The following FAM228B variants were observed in gnomAD, a reference collection of about 807,000 sequenced individuals.
The protein encoded by FAM228B is protein FAM228B.
Under a neutral mutation model 42.6 loss-of-function variants are expected in FAM228B, and 38 were observed. That is an observed-to-expected ratio of 0.89 (90% CI 0.69 to 1.17). FAM228B has a LOEUF of 1.17. Ranked by LOEUF, FAM228B falls within the 50% of genes most tolerant of loss-of-function variation. The pLI is 0.00. For synonymous variants in FAM228B, 109 were observed against 122.3 expected, an observed-to-expected ratio of 0.89 and a Z score of 0.72; for missense variants, 344 against 367.3, an observed-to-expected ratio of 0.94 and a Z score of 0.52.
intron 3 of FAM228B, among the ~76,000 whole-genome samples, chr2:24,101,302 T>C (rs10188977): frequency 2.6e-5 from 4 of 152,144 alleles, no homozygotes; most frequent in Non-Finnish European, 5.9e-5. Flanking sequence ...CTTCTACTAC[T>C]CATATTTTCA....
intron 3 of FAM228B, among the ~76,000 whole-genome samples, chr2:24,115,922 A>T (rs1280638699): frequency 6.6e-6 from 1 of 151,924 alleles, no homozygotes; most frequent in Non-Finnish European, 1.5e-5. Context: ...AAAAAAAAAA[A>T]AAAGGATGAA....
chr2:24,112,296 C>CTT (rs397984067), intron 3 of FAM228B, among the ~76,000 whole-genome samples: 98 of 95,734 alleles, frequency 1.0e-3, no homozygotes, highest in South Asian at 4.2e-3. Context: ...AAGCTTTCAT[C>CTT]TTTTTTTTTT....
At chr2:24,106,763 T>C (rs1441992477) in intron 3 of FAM228B, among the ~76,000 whole-genome samples, 2 of 152,112 alleles carry the variant, frequency 1.3e-5, no homozygotes, top group East Asian at 3.9e-4. Flanking sequence ...ATCTGCCTTA[T>C]GAGCAGTCCT....
intron 3 of FAM228B, chr2:24,115,673 A>G: frequency 1.9e-6 from 3 of 1,545,908 alleles, no homozygotes; most frequent in Non-Finnish European, 2.7e-6. Flanking sequence ...CAAATGATTC[A>G]TTCATCCATT....
At chr2:24,079,231 T>C (rs1664889869) in intron 1 of FAM228B, 2 of 560,648 alleles carry the variant, frequency 3.6e-6, no homozygotes, top group African/African-American at 1.9e-5. Context: ...CTGTGAAGTA[T>C]CAGCTACACT....
intron 2 of FAM228B, among the ~76,000 whole-genome samples, chr2:24,081,220 T>C (rs1460119962): frequency 1.3e-5 from 2 of 152,214 alleles, no homozygotes; most frequent in Admixed American, 6.5e-5. Flanking sequence ...ACAAACCATC[T>C]TGTTCTTTGG....
chr2:24,120,702 C>T (rs1206311096), upstream of FAM228B, among the ~76,000 whole-genome samples: 2 of 146,390 alleles, frequency 1.4e-5, no homozygotes, highest in East Asian at 1.9e-4. Flanking sequence ...ATTACAAGGG[C>T]GCACCACACC....
chr2:24,160,573 G>A (rs1667262423), intron 7 of FAM228B, among the ~76,000 whole-genome samples: 1 of 151,754 alleles, frequency 6.6e-6, no homozygotes, highest in Admixed American at 6.6e-5. Context: ...TTGATATTAA[G>A]ATTTTAATTT....
chr2:24,159,037 G>A (rs1667227796), intron 7 of FAM228B, among the ~76,000 whole-genome samples: 1 of 152,170 alleles, frequency 6.6e-6, no homozygotes, highest in South Asian at 2.1e-4. Context: ...TATCTCTGCA[G>A]TCTCTGTCTC....
chr2:24,083,237 C>CT (rs71395187), intron 2 of FAM228B: 199,813 of 1,237,552 alleles, frequency 0.16, 5,512 homozygotes, highest in South Asian at 0.2. Flanking sequence ...AAGATCCCCT[C>CT]TTTTTTTTTT....
intron 9 of FAM228B, among the ~76,000 whole-genome samples, chr2:24,166,881 A>G (rs1388092911): frequency 1.3e-5 from 2 of 151,626 alleles, no homozygotes; most frequent in Non-Finnish European, 2.9e-5. Flanking sequence ...CAAAAGCCTG[A>G]GATGGGAGTG....
rs375341141 is a variant in FAM228B at position 24,082,978 on chromosome 2, G to C, written c.-210+2023G>C. 9.3e-6 allele frequency: 15 copies of C among 1,614,080 alleles called. No homozygotes were observed. The highest frequency in any genetic ancestry group is 1.3e-5 in the Non-Finnish European group (15 of 1,180,034). ...AATCCCTCTGGGATAGGCATGAGGA[G>C]CCCTTCGGGGACAGTGACGTACTGA... is the stretch of plus-strand genomic sequence containing the variant. On this transcript the variant is annotated intron_variant, in intron 2 of 10. Transcript: ENST00000613899.
At chr2:24,088,431 ATC>A (rs1370998627) in intron 2 of FAM228B, among the ~76,000 whole-genome samples, 3 of 151,904 alleles carry the variant, frequency 2.0e-5, no homozygotes, top group Non-Finnish European at 2.9e-5. Context: ...GCTCACTGCA[ATC>A]TCTGTCTCCT....
At chr2:24,146,436 G>A (rs1573774650) in intron 5 of FAM228B, among the ~76,000 whole-genome samples, 1 of 152,154 alleles carries the variant, frequency 6.6e-6, no homozygotes, top group East Asian at 1.9e-4. Context: ...TTTCTTTTGT[G>A]CATGGGAAAG....
chr2:24,124,171 C>T (rs1300245046), intron 1 of FAM228B, 159 bp from the exon 2 acceptor site: 6 of 475,502 alleles, frequency 1.3e-5, no homozygotes. Flanking sequence ...GGCTCTGAAG[C>T]CGTCATCTGG....
At chr2:24,137,836 T>G (rs1666626976) in intron 3 of FAM228B, 73 bp from the exon 4 acceptor site, 1 of 1,090,522 alleles carries the variant, frequency 9.2e-7, no homozygotes, top group Non-Finnish European at 1.3e-6. Context: ...CTTATGAAGT[T>G]TAAGTTTTGG....
chr2:24,151,612 G>T (rs1239580506), intron 7 of FAM228B, among the ~76,000 whole-genome samples: 11 of 37,040 alleles, frequency 3.0e-4, no homozygotes, highest in Non-Finnish European at 5.4e-4. Context: ...ATTTTTTGGT[G>T]ATTTTTTTTT....
rs772368048 is a variant in FAM228B at position 24,077,788 on chromosome 2, G to A, written c.-290+819G>A. ...TAAGACAAGGGAAAGGAGATCATCA[G>A]CCTGGGGAGAGAGCCTCACCCTGCC... On this transcript the variant is annotated intron_variant, in intron 1 of 10. Transcript: ENST00000613899. This position sits in a 1 kb window ranked among gnomAD's most constrained non-coding sequence, Gnocchi z 5.5. 1.3e-5 allele frequency: 21 copies of A among 1,597,570 alleles called. No individual in the cohort carries two copies. In the African/African-American group the frequency reaches 2.4e-4, roughly 18 times the overall value.
At chr2:24,094,666 G>A (rs551461237) in intron 2 of FAM228B, among the ~76,000 whole-genome samples, 10 of 152,110 alleles carry the variant, frequency 6.6e-5, no homozygotes, top group African/African-American at 1.9e-4. Flanking sequence ...TCTGTTTTTC[G>A]TAGAGACAGT....
Sources: allele counts gnomAD v4.1 joint callset (sites outside exome capture counted in the v4.1 genomes callset), GRCh38; gene constraint gnomAD v4.1.1; non-coding constraint Gnocchi (gnomAD v3.1); transcripts MANE v1.5; gene names NCBI Gene and HGNC (gene_info 2026-07-23, HGNC 2026-07-21).